Variants in FABP6 observed in about 807,000 individuals in gnomAD.
The protein encoded by FABP6 is gastrotropin.
Under a neutral mutation model 14.9 loss-of-function variants are expected in FABP6, and 13 were observed. The ratio of observed to expected loss-of-function variants is 0.87; its 90% CI spans 0.57 to 1.39. The LOEUF (loss-of-function observed/expected upper bound fraction) is 1.39. Ranked by LOEUF, FABP6 falls within the 40% of genes most tolerant of loss-of-function variation. FABP6 has a pLI of 0.00. For synonymous variants in FABP6, 75 were observed against 63.6 expected (o/e 1.18, Z -0.85); for missense variants, 161 against 167.2 (o/e 0.96, Z 0.20).
chr5:160,194,403 G>T (rs1580895955), intron 1 of FABP6, among the ~76,000 whole-genome samples: 1 of 152,178 alleles, frequency 6.6e-6, no homozygotes, highest in South Asian at 2.1e-4. Flanking sequence ...CAAAGTGGGA[G>T]CCCAGGCAGA....
In FABP6 at chr5:160,197,950, GTGTA is replaced by G. The variant is rs762592787; in HGVS notation, c.-58-1095_-58-1092del. 478 of 138,034 alleles carry G rather than the reference GTGTA, an allele frequency of 3.5e-3. 2 individuals carry two copies. The highest frequency in any genetic ancestry group is 5.4e-3 in the South Asian group (22 of 4,104). The allele number at this position is 138,034 out of a possible 1,614,324, so 8.6% of individuals were successfully genotyped here. A position where few individuals can be genotyped will look rare whatever the true frequency, so the allele number is the denominator to read the frequency against. On this transcript the variant is annotated intron_variant, in intron 1 of 6. Coordinates refer to the FABP6 transcript ENST00000393980. ...TGTGTGTGTGTGTGTGTGTGTGTGT[GTGTA>G]TGTGTGTGTGTGTGTGTATGTGTGT...
chr5:160,189,933 G>A (rs927458082), intron 1 of FABP6, among the ~76,000 whole-genome samples: 3 of 152,122 alleles, frequency 2.0e-5, no homozygotes, highest in African/African-American at 7.2e-5. Flanking sequence ...CACTGTGTGT[G>A]CCCACTGTGC....
At chr5:160,202,835 C>A (rs979230512) in intron 2 of FABP6, among the ~76,000 whole-genome samples, 1 of 151,430 alleles carries the variant, frequency 6.6e-6, no homozygotes, top group Non-Finnish European at 1.5e-5. Flanking sequence ...CTTTTCTTAG[C>A]GATTCATGAA....
upstream of FABP6, among the ~76,000 whole-genome samples, chr5:160,226,635 C>A (rs1240709912): frequency 6.6e-6 from 1 of 152,034 alleles, no homozygotes; most frequent in Non-Finnish European, 1.5e-5. Context: ...CTGTTTGCTC[C>A]TAGGTGAAAT....
Position 160,223,358 on chromosome 5 carries a change from C to CT in FABP6, c.136-6186dup, listed in dbSNP as rs1561752071. Among the ~76,000 whole-genome samples the CT allele has an allele frequency of 9.6e-5, 8 of 83,552 alleles. No homozygotes were observed. In the East Asian group the frequency reaches 3.6e-3, roughly 38 times the overall value. The allele number at this position is 83,552 out of a possible 152,430, so 54.8% of individuals were successfully genotyped here. A position where few individuals can be genotyped will look rare whatever the true frequency, so the allele number is the denominator to read the frequency against. Reference sequence around the variant, plus strand: ...CCTTCCTTCCTTCCTTCCTTCCTTCCTTCTTTCCCTCCCTCCCTCCCTCCC... The same window carrying CT: ...CCTTCCTTCCTTCCTTCCTTCCTTCCTTTCTTTCCCTCCCTCCCTCCCTCCC... On this transcript the variant is annotated intron_variant, in intron 3 of 6. Transcript: ENST00000393980.
chr5:160,232,617 C>A (rs977777043), intron 2 of FABP6, among the ~76,000 whole-genome samples: 3 of 152,164 alleles, frequency 2.0e-5, no homozygotes, highest in African/African-American at 7.2e-5. Flanking sequence ...AGCTTGCTGG[C>A]CAGGCACAGT....
At chr5:160,226,287 G>A (rs551354920), upstream of FABP6, among the ~76,000 whole-genome samples, 1 of 152,136 alleles carries the variant, frequency 6.6e-6, no homozygotes, top group South Asian at 2.1e-4. Context: ...TATAGGCCGA[G>A]CGCGGTGGCT....
In FABP6 at chr5:160,218,777, G is replaced by A. The variant is rs7703192; in HGVS notation, c.135+4958G>A. Reference sequence around the variant, plus strand: ...CGCCTGGCCTTTTTTTTTTTTTTATGAGTTGGGGTCTCATTCTGTCACCCA... The same window carrying A: ...CGCCTGGCCTTTTTTTTTTTTTTATAAGTTGGGGTCTCATTCTGTCACCCA... On this transcript the variant is annotated intron_variant, in intron 3 of 6. Transcript: ENST00000393980. 5.9e-3 allele frequency among the ~76,000 whole-genome samples: 819 copies of A among 139,354 alleles called. 7 individuals are homozygous for A. The highest frequency in any genetic ancestry group is 0.021 in the African/African-American group (780 of 36,718). The allele number at this position is 139,354 out of a possible 152,430, so 91.4% of individuals were successfully genotyped here. A position where few individuals can be genotyped will look rare whatever the true frequency, so the allele number is the denominator to read the frequency against.
At chr5:160,205,698 A>C (rs1759747960) in intron 2 of FABP6, among the ~76,000 whole-genome samples, 1 of 152,236 alleles carries the variant, frequency 6.6e-6, no homozygotes, top group African/African-American at 2.4e-5. Context: ...CTTATTCTTA[A>C]GAAAGTCATC....
intron 2 of FABP6, among the ~76,000 whole-genome samples, chr5:160,199,782 C>T (rs1759596719): frequency 1.3e-5 from 2 of 152,154 alleles, no homozygotes; most frequent in Admixed American, 6.5e-5. Context: ...GTGGGATCTC[C>T]GCTCACTAGG....
At chr5:160,188,633 C>T (rs943587941) in intron 1 of FABP6, among the ~76,000 whole-genome samples, 4 of 152,212 alleles carry the variant, frequency 2.6e-5, no homozygotes, top group South Asian at 2.1e-4. Context: ...CCCTGGGCTG[C>T]GACCCCCGAC....
intron 2 of FABP6, 150 bp from the exon 3 acceptor site, chr5:160,234,670 G>T (rs1053399416): frequency 1.6e-5 from 6 of 379,134 alleles, no homozygotes; most frequent in African/African-American, 8.5e-5. Context: ...CAAGTGATCC[G>T]CCTGCCTCAG....
intron 3 of FABP6, among the ~76,000 whole-genome samples, chr5:160,235,932 AG>A (rs1335638214): frequency 2.0e-5 from 3 of 151,950 alleles, no homozygotes; most frequent in Non-Finnish European, 4.4e-5. Context: ...GTACAAGATC[AG>A]GGTGCCAGCA....
chr5:160,227,572 G>T (rs1760276866), upstream of FABP6, among the ~76,000 whole-genome samples: 1 of 149,040 alleles, frequency 6.7e-6, no homozygotes, highest in African/African-American at 2.5e-5. Flanking sequence ...TGTAGTCCCA[G>T]CTGTTTGGGA....
chr5:160,202,944 C>T (rs1759676127), intron 2 of FABP6, among the ~76,000 whole-genome samples: 1 of 151,614 alleles, frequency 6.6e-6, no homozygotes, highest in African/African-American at 2.4e-5. Context: ...TCTTGTTGCC[C>T]AGACTAGAGT....
At chr5:160,227,420 G>A (rs368101825), upstream of FABP6, among the ~76,000 whole-genome samples, 3 of 151,924 alleles carry the variant, frequency 2.0e-5, no homozygotes, top group Non-Finnish European at 4.4e-5. Flanking sequence ...CCAGCTACTA[G>A]GGAGGCTGAG....
intron 2 of FABP6, among the ~76,000 whole-genome samples, chr5:160,210,837 G>A (rs924488928): frequency 1.3e-5 from 2 of 152,142 alleles, no homozygotes; most frequent in African/African-American, 2.4e-5. Flanking sequence ...ATTACACACC[G>A]CATTAACACC....
chr5:160,236,107 C>G (rs1000372848), intron 3 of FABP6, among the ~76,000 whole-genome samples: 1 of 151,612 alleles, frequency 6.6e-6, no homozygotes, highest in African/African-American at 2.4e-5. Context: ...CCTCCGCCCT[C>G]AGGTTCAAGC....
At chr5:160,214,580 G>GCTGGCATGAGCCACCATGC (rs1561748756) in intron 3 of FABP6, among the ~76,000 whole-genome samples, 1 of 151,058 alleles carries the variant, frequency 6.6e-6, no homozygotes, top group Non-Finnish European at 1.5e-5. Context: ...ACCCAATGTG[G>GCTGGCATGAGCCACCATGC]CTGGCATGAG....
Sources: allele counts gnomAD v4.1 joint callset (sites outside exome capture counted in the v4.1 genomes callset), GRCh38; gene constraint gnomAD v4.1.1; transcripts MANE v1.5; gene names NCBI Gene and HGNC (gene_info 2026-07-23, HGNC 2026-07-21).